Variants in NFAT5 observed in about 807,000 individuals in gnomAD.
NFAT5 encodes nuclear factor of activated T-cells 5.
Under a neutral mutation model 166.5 loss-of-function variants are expected in NFAT5, and 31 were observed. The observed-to-expected ratio is 0.19, with a 90% CI of 0.14 to 0.25. The LOEUF (loss-of-function observed/expected upper bound fraction) is 0.25. Among genes scored for constraint, NFAT5 ranks in the 10% least tolerant of loss-of-function variants. NFAT5 has a pLI of 1.00. For synonymous variants in NFAT5, 612 were observed against 639.7 expected, an observed-to-expected ratio of 0.96 and a Z score of 0.65; for missense variants, 1,449 against 1,821.8, an observed-to-expected ratio of 0.80 and a Z score of 3.72.
Position 69,605,330 on chromosome 16 carries a change from C to T in NFAT5, c.128-21073C>T, listed in dbSNP as rs575770172. On this transcript the variant is annotated intron_variant, in intron 2 of 14. Transcript: ENST00000349945. Reference sequence around the variant, plus strand: ...TGGTGGGCGCCTGTAATTCTAGCTACTTGGGAGGCTGAGGTAGGAGAATCG... The same window carrying T: ...TGGTGGGCGCCTGTAATTCTAGCTATTTGGGAGGCTGAGGTAGGAGAATCG... 1.2e-4 allele frequency among the ~76,000 whole-genome samples: 18 copies of T among 152,232 alleles called. No homozygotes were observed. In the South Asian group the frequency reaches 3.7e-3, roughly 32 times the overall value.
At chr16:69,588,084 C>T (rs1480646005) in intron 2 of NFAT5, among the ~76,000 whole-genome samples, 1 of 150,876 alleles carries the variant, frequency 6.6e-6, no homozygotes, top group Non-Finnish European at 1.5e-5. Flanking sequence ...CCCTGGGTAG[C>T]TGGAATTACA....
At chr16:69,636,439 C>T (rs912414897) in intron 3 of NFAT5, among the ~76,000 whole-genome samples, 4 of 152,312 alleles carry the variant, frequency 2.6e-5, no homozygotes, top group South Asian at 4.1e-4. Context: ...TGTGGGGTCT[C>T]CAACCCCACA....
At position 69,566,140 on chromosome 16, in the gene NFAT5, T is replaced by A. The variant is rs2016016770; in HGVS notation, c.-162T>A. Reference sequence around the variant, plus strand: ...CTCCACCTCGCCATCGTTTCCTCGGTCCTCGGCCCAGTGGAAGTCACTACC... The same window carrying A: ...CTCCACCTCGCCATCGTTTCCTCGGACCTCGGCCCAGTGGAAGTCACTACC... On this transcript the variant is annotated 5_prime_UTR_variant, in exon 1 of 15. Transcript: ENST00000349945. The surrounding 1 kb of genome is among the most constrained non-coding windows in gnomAD (Gnocchi z 5.7). 6.7e-6 allele frequency: 4 copies of A among 599,844 alleles called. No homozygotes were observed. The highest frequency in any genetic ancestry group is 1.2e-5 in the Non-Finnish European group (4 of 347,716). The allele number at this position is 599,844 out of a possible 1,614,324, so 37.2% of individuals were successfully genotyped here. A position where few individuals can be genotyped will look rare whatever the true frequency, so the allele number is the denominator to read the frequency against.
At chr16:69,570,015 TAATCATAG>T (rs2016339802) in intron 2 of NFAT5, among the ~76,000 whole-genome samples, 1 of 152,158 alleles carries the variant, frequency 6.6e-6, no homozygotes, top group Non-Finnish European at 1.5e-5. Context: ...TAGAGTGTCA[TAATCATAG>T]AGATGATCAG....
intron 10 of NFAT5, among the ~76,000 whole-genome samples, chr16:69,678,058 T>C (rs1464548418): frequency 2.0e-5 from 3 of 151,266 alleles, no homozygotes; most frequent in Non-Finnish European, 3.0e-5. Flanking sequence ...CTGGGGAGGC[T>C]GAGGAAGGAG....
At chr16:69,659,102 A>C (rs1484500540) in intron 6 of NFAT5, among the ~76,000 whole-genome samples, 2 of 151,926 alleles carry the variant, frequency 1.3e-5, no homozygotes, top group African/African-American at 4.8e-5. Flanking sequence ...TAGCTCTGTA[A>C]AGAAAGAGAC....
chr16:69,638,069 A>C (rs1040536866), intron 3 of NFAT5, among the ~76,000 whole-genome samples: 5 of 152,048 alleles, frequency 3.3e-5, no homozygotes, highest in Admixed American at 6.5e-5. Context: ...AAATACAAAA[A>C]TTATCTGGGC....
rs763043562 is a variant in NFAT5 at position 69,693,099 on chromosome 16, C to T, written c.3274C>T (p.Pro1092Ser). ...SSHSQAQLFH[P>S]QNPIADAQNL... Reference sequence around the variant, plus strand: ...TCATTCACAGGCCCAACTTTTTCATCCTCAAAATCCTATTGCCGATGCTCA... The same window carrying T: ...TCATTCACAGGCCCAACTTTTTCATTCTCAAAATCCTATTGCCGATGCTCA... The change falls in exon 13 of 15, where the codon CCT (proline) becomes TCT (serine). Residue 1092 changes from proline (P) to serine (S), a missense_variant. This residue lies in a region of NFAT5 where 891 missense variants were observed against 993.0 expected (regional missense o/e 0.90). Transcript: ENST00000349945. The T allele has an allele frequency of 4.3e-6, 7 of 1,613,992 alleles. No homozygotes were observed. In the South Asian group the frequency reaches 6.6e-5, roughly 15 times the overall value.
intron 3 of NFAT5, among the ~76,000 whole-genome samples, chr16:69,628,484 A>AAATTTAGC (rs2034564635): frequency 6.6e-6 from 1 of 152,216 alleles, no homozygotes; most frequent in African/African-American, 2.4e-5. Context: ...TTCAAAATAT[A>AAATTTAGC]AATTTAGCAA....
At chr16:69,667,768 A>G (rs1489229698) in intron 7 of NFAT5, among the ~76,000 whole-genome samples, 1 of 152,156 alleles carries the variant, frequency 6.6e-6, no homozygotes, top group Non-Finnish European at 1.5e-5. Flanking sequence ...AAGATATACC[A>G]TATGTTTCTG....
chr16:69,669,605 G>C (rs1364428939), intron 7 of NFAT5, among the ~76,000 whole-genome samples: 1 of 152,156 alleles, frequency 6.6e-6, no homozygotes, highest in Non-Finnish European at 1.5e-5. Flanking sequence ...AACAAAGACA[G>C]GATACTTGTT....
intron 7 of NFAT5, among the ~76,000 whole-genome samples, chr16:69,667,404 G>A (rs142553498): frequency 6.6e-6 from 1 of 150,916 alleles, no homozygotes; most frequent in African/African-American, 2.4e-5. Context: ...GATCTCTTTT[G>A]CATAATTGTA....
At position 69,681,606 on chromosome 16, in the gene NFAT5, T is replaced by C. The variant is rs1196018276; in HGVS notation, c.1691-3281T>C. ...TATGCCTAAGAGTGCTCACAAAATC[T>C]AGGATAGTTGTACAGAAAATCTAGG... is the stretch of plus-strand genomic sequence containing the variant. On this transcript the variant is annotated intron_variant, in intron 10 of 14. Coordinates refer to ENST00000349945, the MANE Select transcript of NFAT5 (RefSeq NM_138713.4). Among the ~76,000 whole-genome samples, 3 of 152,094 alleles carry C rather than the reference T, an allele frequency of 2.0e-5. No homozygotes were observed. In the South Asian group the frequency reaches 6.2e-4, roughly 32 times the overall value.
At chr16:69,591,155 C>T (rs1396484060) in intron 2 of NFAT5, among the ~76,000 whole-genome samples, 3 of 152,132 alleles carry the variant, frequency 2.0e-5, no homozygotes, top group Admixed American at 6.5e-5. Context: ...TGGTCTCAAA[C>T]GCCTGACCTC....
Position 69,692,018 on chromosome 16 carries a change from A to G in NFAT5, c.2193A>G (p.Thr731=). The change falls in exon 13 of 15, where the codon ACA becomes ACG. Residue 731 remains threonine, a synonymous_variant. Transcript: ENST00000349945. ...ALLQQATQFQ[T]RETQSREILQ... is the part of the protein sequence containing the mutation. ...TGCAGCAGGCTACACAGTTTCAGACAAGAGAAACTCAGTCTAGAGAGATAT... is the reference window on the plus strand; with the variant it reads ...TGCAGCAGGCTACACAGTTTCAGACGAGAGAAACTCAGTCTAGAGAGATAT... The G allele has an allele frequency of 6.2e-7, 1 of 1,614,196 alleles. No homozygotes were observed. The highest frequency in any genetic ancestry group is 8.5e-7 in the Non-Finnish European group (1 of 1,180,024).
chr16:69,600,150 G>GA (rs35475393), intron 2 of NFAT5, among the ~76,000 whole-genome samples: 4,976 of 141,652 alleles, frequency 0.035, 231 homozygotes, highest in African/African-American at 0.1. Flanking sequence ...ATTTCTCTGG[G>GA]AAAAAAAAAA....
intron 10 of NFAT5, among the ~76,000 whole-genome samples, chr16:69,678,143 G>A (rs182383988): frequency 6.6e-6 from 1 of 151,902 alleles, no homozygotes; most frequent in African/African-American, 2.4e-5. Context: ...GGGCGATAGA[G>A]CGAGACTGTC....
chr16:69,589,285 C>T (rs1422640498), intron 2 of NFAT5, among the ~76,000 whole-genome samples: 3 of 152,184 alleles, frequency 2.0e-5, no homozygotes, highest in South Asian at 2.1e-4. Flanking sequence ...TGAGCCACCA[C>T]GCCCAGCCTC....
At chr16:69,590,613 G>C (rs2032403349) in intron 2 of NFAT5, among the ~76,000 whole-genome samples, 2 of 152,170 alleles carry the variant, frequency 1.3e-5, no homozygotes, top group Admixed American at 6.5e-5. Flanking sequence ...TAAATTTAGT[G>C]TTATATAAAT....
Sources: allele counts gnomAD v4.1 joint callset (sites outside exome capture counted in the v4.1 genomes callset), GRCh38; gene constraint gnomAD v4.1.1; regional missense constraint gnomAD v4.1.1; non-coding constraint Gnocchi (gnomAD v3.1); transcripts MANE v1.5; gene names NCBI Gene and HGNC (gene_info 2026-07-23, HGNC 2026-07-21).